The following DTNB variants were observed in gnomAD, a reference collection of about 807,000 sequenced individuals.
DTNB encodes DTN-B.
DTNB carries 63 observed loss-of-function variants against 90.7 expected under a neutral mutation model. The observed-to-expected ratio is 0.69, with a 90% CI of 0.57 to 0.86. The LOEUF (loss-of-function observed/expected upper bound fraction) is 0.86, where lower values mean the gene tolerates loss of function less well. DTNB is among the 40% of genes least tolerant of loss of function. The probability of loss-of-function intolerance (pLI) is 0.00; values close to 1 mark genes in which losing one functional copy is unlikely to be tolerated. For missense variants in DTNB, 744 were observed against 807.1 expected, an observed-to-expected ratio of 0.92 and a Z score of 0.95; for synonymous variants, 277 against 286.7, an observed-to-expected ratio of 0.97 and a Z score of 0.34.
At chr2:25,576,358 T>A (rs568718362) in intron 8 of DTNB, among the ~76,000 whole-genome samples, 57 of 151,466 alleles carry the variant, frequency 3.8e-4, no homozygotes, top group African/African-American at 1.4e-3. Flanking sequence ...CCCGAGTAGC[T>A]GGGACTACAG....
At chr2:25,453,072 A>T (rs2059512150) in intron 11 of DTNB, among the ~76,000 whole-genome samples, 1 of 152,204 alleles carries the variant, frequency 6.6e-6, no homozygotes, top group South Asian at 2.1e-4. Flanking sequence ...ATGAATGCTT[A>T]ACGATACAAG....
chr2:25,603,560 C>G (rs1039308698), intron 5 of DTNB, among the ~76,000 whole-genome samples: 1 of 151,752 alleles, frequency 6.6e-6, no homozygotes, highest in Non-Finnish European at 1.5e-5. Flanking sequence ...CATTCAAATG[C>G]TATCTTGATA....
intron 16 of DTNB, among the ~76,000 whole-genome samples, chr2:25,404,170 T>A (rs957234179): frequency 1.3e-5 from 2 of 152,078 alleles, no homozygotes; most frequent in Non-Finnish European, 2.9e-5. Flanking sequence ...TGAGGCAATA[T>A]CTCCACTCTC....
intron 10 of DTNB, among the ~76,000 whole-genome samples, chr2:25,462,993 G>A (rs1397703036): frequency 3.9e-5 from 6 of 152,076 alleles, no homozygotes; most frequent in African/African-American, 4.8e-5. Flanking sequence ...GTGAGCCACC[G>A]CGCCCGGCCT....
intron 8 of DTNB, among the ~76,000 whole-genome samples, chr2:25,572,803 C>T (rs1303654938): frequency 6.6e-6 from 1 of 152,100 alleles, no homozygotes; most frequent in Admixed American, 6.5e-5. Flanking sequence ...TTCCATGTGC[C>T]AGTAACCACA....
intron 12 of DTNB, among the ~76,000 whole-genome samples, chr2:25,450,332 A>C (rs1254029204): frequency 1.3e-5 from 2 of 152,098 alleles, no homozygotes; most frequent in Admixed American, 6.6e-5. Context: ...TTTGCTTCTT[A>C]CCTTTGTTGA....
chr2:25,639,031 A>G lies in DTNB; in HGVS notation c.131T>C (p.Val44Ala), dbSNP rs770414662. The change falls in exon 3 of 21, where the codon GTA becomes GCA. Residue 44 changes from valine to alanine, a missense_variant. Coordinates refer to ENST00000406818, the MANE Select transcript of DTNB (RefSeq NM_021907.5). ...TYRTACKLRF[V>A]QKRCNLHLVD... ...TGACTCACGGTTGCATCGTTTTTGT[A>G]CAAATCGTAATTTGCAGGCTGTTCT... is the stretch of plus-strand genomic sequence containing the variant. 6 of 1,592,198 alleles carry G rather than the reference A, an allele frequency of 3.8e-6. No homozygotes were observed. In the East Asian group the frequency reaches 1.3e-4, roughly 36 times the overall value.
chr2:25,548,308 T>G (rs1185419214), intron 8 of DTNB, among the ~76,000 whole-genome samples: 3 of 152,230 alleles, frequency 2.0e-5, no homozygotes, highest in African/African-American at 7.2e-5. Flanking sequence ...TTAGGTACAT[T>G]GTGCTTTTCC....
At chr2:25,529,849 T>G (rs182069276) in intron 9 of DTNB, among the ~76,000 whole-genome samples, 1 of 152,292 alleles carries the variant, frequency 6.6e-6, no homozygotes, top group Admixed American at 6.5e-5. Context: ...TCAGAAGACT[T>G]AGTTATGGTT....
At chr2:25,459,948 A>G (rs1305548241) in intron 10 of DTNB, among the ~76,000 whole-genome samples, 1 of 152,182 alleles carries the variant, frequency 6.6e-6, no homozygotes, top group Admixed American at 6.5e-5. Context: ...CGTTTCTAAA[A>G]AAAATTAAAA....
chr2:25,407,192 A>G (rs2045418184), intron 16 of DTNB, among the ~76,000 whole-genome samples: 1 of 152,212 alleles, frequency 6.6e-6, no homozygotes. Context: ...ACTAACCATC[A>G]GGGAAATGCA....
At chr2:25,530,903 C>T (rs1389373029) in intron 9 of DTNB, among the ~76,000 whole-genome samples, 1 of 152,150 alleles carries the variant, frequency 6.6e-6, no homozygotes, top group Non-Finnish European at 1.5e-5. Context: ...TCTCTTCCTC[C>T]CTACTTTGTT....
intron 1 of DTNB, among the ~76,000 whole-genome samples, chr2:25,672,375 C>A (rs745711819): frequency 6.6e-6 from 1 of 152,092 alleles, no homozygotes; most frequent in East Asian, 1.9e-4. Context: ...ATGGCTCAAC[C>A]GCTGTGAGCC....
intron 6 of DTNB, among the ~76,000 whole-genome samples, chr2:25,589,525 C>T (rs1054852302): frequency 2.0e-5 from 3 of 151,328 alleles, no homozygotes; most frequent in Admixed American, 6.6e-5. Context: ...GGACTACAGG[C>T]GCCCGCCACC....
At chr2:25,570,645 C>G (rs2059731639) in intron 8 of DTNB, among the ~76,000 whole-genome samples, 1 of 152,116 alleles carries the variant, frequency 6.6e-6, no homozygotes, top group African/African-American at 2.4e-5. Flanking sequence ...CAGTTGATCA[C>G]TTCCTCCTCC....
intron 3 of DTNB, among the ~76,000 whole-genome samples, chr2:25,634,123 C>A (rs2076495212): frequency 6.7e-6 from 1 of 150,198 alleles, no homozygotes; most frequent in Non-Finnish European, 1.5e-5. Context: ...GAGTCAGCCC[C>A]CTGCCCGGCC....
intron 9 of DTNB, among the ~76,000 whole-genome samples, chr2:25,498,847 CAAA>C (rs34017287): frequency 4.6e-5 from 3 of 65,036 alleles, no homozygotes; most frequent in African/African-American, 6.0e-5. Context: ...AACCCTGTCT[CAAA>C]AAAAAAAAAA....
intron 15 of DTNB, among the ~76,000 whole-genome samples, chr2:25,423,804 C>T (rs905488065): frequency 7.9e-5 from 12 of 151,920 alleles, no homozygotes; most frequent in East Asian, 1.9e-4. Context: ...GGATTACAGG[C>T]GCGCACCACC....
chr2:25,617,834 C>T (rs543322807), intron 4 of DTNB, among the ~76,000 whole-genome samples: 46 of 152,210 alleles, frequency 3.0e-4, no homozygotes, highest in African/African-American at 9.1e-4. Context: ...GCCAAGATCA[C>T]GCCACTGCTC....
Sources: allele counts gnomAD v4.1 joint callset (sites outside exome capture counted in the v4.1 genomes callset), GRCh38; gene constraint gnomAD v4.1.1; transcripts MANE v1.5; gene names NCBI Gene and HGNC (gene_info 2026-07-23, HGNC 2026-07-21).